The following NPAS3 variants were observed in gnomAD, a reference collection of about 807,000 sequenced individuals.
NPAS3 encodes the protein neuronal PAS domain protein 3, also known as neuronal PAS domain-containing protein 3.
In NPAS3, 14 loss-of-function variants were observed where a neutral mutation model predicts 73.1. The observed-to-expected ratio is 0.19, with a 90% CI of 0.13 to 0.30. The LOEUF (loss-of-function observed/expected upper bound fraction) is 0.30, where lower values mean the gene tolerates loss of function less well. Among genes scored for constraint, NPAS3 ranks in the 10% least tolerant of loss-of-function variants. The pLI, the probability that NPAS3 is intolerant of heterozygous loss-of-function variation, is 1.00. For synonymous variants in NPAS3, 620 were observed against 541.5 expected (o/e 1.14, Z -2.01); for missense variants, 1,096 against 1,250.0 (o/e 0.88, Z 1.86).
chr14:32,952,206 C>T (rs1350595029), intron 1 of NPAS3, among the ~76,000 whole-genome samples: 1 of 151,882 alleles, frequency 6.6e-6, no homozygotes, highest in Non-Finnish European at 1.5e-5. Flanking sequence ...AAATATTGTT[C>T]CCCAAAGAAA....
At chr14:33,082,510 T>C (rs964688677) in intron 2 of NPAS3, among the ~76,000 whole-genome samples, 6 of 152,248 alleles carry the variant, frequency 3.9e-5, no homozygotes, top group African/African-American at 1.4e-4. Flanking sequence ...TGTTTTACCG[T>C]GTCGATTTGA....
intron 4 of NPAS3, among the ~76,000 whole-genome samples, chr14:33,522,225 G>T (rs73267049): frequency 6.6e-6 from 1 of 152,256 alleles, no homozygotes; most frequent in South Asian, 2.1e-4. Flanking sequence ...CACGTGACAC[G>T]TGATATCATT....
chr14:33,407,158 T>G (rs1214668976), intron 4 of NPAS3, among the ~76,000 whole-genome samples: 1 of 152,182 alleles, frequency 6.6e-6, no homozygotes, highest in Non-Finnish European at 1.5e-5. Flanking sequence ...ACATGGTTTT[T>G]CTTCACACAA....
intron 6 of NPAS3, among the ~76,000 whole-genome samples, chr14:33,711,564 C>T (rs1039194745): frequency 4.6e-5 from 7 of 152,234 alleles, no homozygotes; most frequent in East Asian, 1.9e-4. Context: ...TGTTTTCATT[C>T]GCCTGTTTTA....
At chr14:33,035,655 T>G (rs751147247) in intron 1 of NPAS3, among the ~76,000 whole-genome samples, 54 of 152,210 alleles carry the variant, frequency 3.5e-4, no homozygotes, top group Admixed American at 5.2e-4. Flanking sequence ...TGGCACAGCA[T>G]TTTCCAATTA....
At chr14:33,052,865 G>A (rs2040757988) in intron 1 of NPAS3, among the ~76,000 whole-genome samples, 1 of 151,844 alleles carries the variant, frequency 6.6e-6, no homozygotes, top group African/African-American at 2.4e-5. Context: ...TTTTAAGGAG[G>A]TTTAATATCT....
At chr14:33,573,212 C>T (rs1003032917) in intron 5 of NPAS3, among the ~76,000 whole-genome samples, 2 of 152,060 alleles carry the variant, frequency 1.3e-5, no homozygotes, top group Non-Finnish European at 2.9e-5. Context: ...TCCCATGACA[C>T]TCAACCACGC....
chr14:33,402,626 TA>T (rs2047494751), intron 4 of NPAS3, among the ~76,000 whole-genome samples: 1 of 152,160 alleles, frequency 6.6e-6, no homozygotes, highest in Admixed American at 6.6e-5. Flanking sequence ...AAGCATCAAC[TA>T]AATGGTCTCT....
intron 1 of NPAS3, among the ~76,000 whole-genome samples, chr14:32,941,600 A>T (rs2139057529): frequency 6.6e-6 from 1 of 152,070 alleles, no homozygotes; most frequent in Middle Eastern, 3.4e-3. Flanking sequence ...AGCTGAACTA[A>T]ATAACACTTG....
chr14:33,101,307 A>C (rs2042569654), intron 2 of NPAS3, among the ~76,000 whole-genome samples: 1 of 152,158 alleles, frequency 6.6e-6, no homozygotes, highest in Non-Finnish European at 1.5e-5. Flanking sequence ...ATATTATTTA[A>C]AAAGGGAAGT....
At chr14:32,944,703 A>T (rs1244315421) in intron 1 of NPAS3, among the ~76,000 whole-genome samples, 1 of 152,230 alleles carries the variant, frequency 6.6e-6, no homozygotes, top group Non-Finnish European at 1.5e-5. Flanking sequence ...TAATATTAGT[A>T]ATACTACAAT....
chr14:33,651,868 T>C (rs558626386), intron 5 of NPAS3, among the ~76,000 whole-genome samples: 1 of 152,300 alleles, frequency 6.6e-6, no homozygotes, highest in East Asian at 1.9e-4. Context: ...TGGGCAAAAA[T>C]ATTAAGTAGC....
intron 3 of NPAS3, among the ~76,000 whole-genome samples, chr14:33,310,303 GA>G (rs74705134): frequency 0.31 from 45,368 of 147,816 alleles, 6,875 homozygotes; most frequent in Non-Finnish European, 0.31. Flanking sequence ...CATAGCATCT[GA>G]AAAAAAAAAA....
chr14:33,632,380 T>C (rs1312725797), intron 5 of NPAS3, among the ~76,000 whole-genome samples: 1 of 152,226 alleles, frequency 6.6e-6, no homozygotes. Flanking sequence ...CTTCAGACTA[T>C]AATTTTTAAA....
chr14:33,321,297 G>T lies in NPAS3; in HGVS notation c.386-45889G>T, dbSNP rs561545459. Among the ~76,000 whole-genome samples, 360 of 152,184 alleles carry T rather than the reference G, an allele frequency of 2.4e-3. 1 individual carries two copies. The highest frequency in any genetic ancestry group is 8.3e-3 in the African/African-American group (344 of 41,546). ...TCTAGAGTTGACCAGTACAGAATAG[G>T]ATTCAAAATAAGATGGAATTTATCC... On this transcript the variant is annotated intron_variant, in intron 3 of 11. Transcript: ENST00000356141.
rs60174208 is a variant in NPAS3 at position 33,657,293 on chromosome 14, G to A, written c.559-18918G>A. Among the ~76,000 whole-genome samples the A allele has an allele frequency of 3.6e-4, 55 of 152,266 alleles. 2 individuals carry two copies. In the East Asian group the frequency reaches 9.3e-3, roughly 26 times the overall value. ...ACAACACAGGGTCCCAGAGAGGAGA[G>A]AGGCCACATACAGAAAAGCCTTCTA... On this transcript the variant is annotated intron_variant, in intron 5 of 11. Transcript: ENST00000356141.
chr14:33,495,175 G>A (rs1200571649), intron 4 of NPAS3, among the ~76,000 whole-genome samples: 2 of 152,016 alleles, frequency 1.3e-5, no homozygotes, highest in East Asian at 1.9e-4. Context: ...GGTACATTGT[G>A]TCTTTGTTCT....
At chr14:33,272,951 C>T (rs1444440788) in intron 3 of NPAS3, among the ~76,000 whole-genome samples, 1 of 152,216 alleles carries the variant, frequency 6.6e-6, no homozygotes, top group Non-Finnish European at 1.5e-5. Flanking sequence ...CCTCCCCTTA[C>T]TTTGGCCCAG....
At chr14:33,392,726 A>G (rs1266748845) in intron 4 of NPAS3, among the ~76,000 whole-genome samples, 1 of 152,156 alleles carries the variant, frequency 6.6e-6, no homozygotes, top group Non-Finnish European at 1.5e-5. Context: ...GTCTATCAGA[A>G]CAAATACAGA....
Sources: allele counts gnomAD v4.1 joint callset (sites outside exome capture counted in the v4.1 genomes callset), GRCh38; gene constraint gnomAD v4.1.1; transcripts MANE v1.5; gene names NCBI Gene and HGNC (gene_info 2026-07-23, HGNC 2026-07-21).